PLCB2: variants seen among roughly 807,000 people sequenced by gnomAD.
The protein encoded by PLCB2 is phospholipase C beta 2.
Under a neutral mutation model 141.7 loss-of-function variants are expected in PLCB2, and 115 were observed. The observed-to-expected ratio is 0.81, with a 90% CI of 0.70 to 0.95. The LOEUF is 0.95. Among genes scored for constraint, PLCB2 ranks in the 40% least tolerant of loss-of-function variants. The pLI, the probability that PLCB2 is intolerant of heterozygous loss-of-function variation, is 0.00. For synonymous variants in PLCB2, 603 were observed against 595.6 expected (o/e 1.01, Z -0.18); for missense variants, 1,403 against 1,541.1 (o/e 0.91, Z 1.50).
At chr15:40,307,188 C>T (rs2141207185) in intron 1 of PLCB2, among the ~76,000 whole-genome samples, 1 of 152,284 alleles carries the variant, frequency 6.6e-6, no homozygotes, top group South Asian at 2.1e-4. Context: ...GGAGCTGGGT[C>T]TGAGCGCCCT....
At chr15:40,295,109 C>T (rs373382651) in intron 17 of PLCB2, 49 bp from the exon 18 acceptor site, 1 of 1,610,326 alleles carries the variant, frequency 6.2e-7, no homozygotes, top group Non-Finnish European at 8.5e-7. Context: ...ACCAGGAGAA[C>T]CTAACAGCTT....
At chr15:40,289,964 AGAGAGTGT>A (rs1401426852) in intron 30 of PLCB2, 53 bp downstream of exon 30, 11 of 593,646 alleles carry the variant, frequency 1.9e-5, no homozygotes, top group Non-Finnish European at 3.3e-5. Context: ...AGAGAGAGAG[AGAGAGTGT>A]GTGTGTGTGT....
At chr15:40,293,076 C>G (rs762675367) in intron 20 of PLCB2, 51 bp from the exon 21 acceptor site, 10 of 1,145,824 alleles carry the variant, frequency 8.7e-6, no homozygotes, top group South Asian at 4.3e-5. Flanking sequence ...AGGAGCCAAG[C>G]TGACCCCCTC....
intron 1 of PLCB2, among the ~76,000 whole-genome samples, chr15:40,305,441 C>A (rs1339785590): frequency 6.6e-6 from 1 of 152,082 alleles, no homozygotes; most frequent in Non-Finnish European, 1.5e-5. Context: ...TGGACTACAG[C>A]GAGCTAACTG....
At position 40,306,433 on chromosome 15, in the gene PLCB2, C is replaced by T. The variant is rs554592945; in HGVS notation, c.84+1156G>A. On this transcript the variant is annotated intron_variant, in intron 1 of 31. Transcript: ENST00000260402. The stretch of plus-strand genomic sequence containing the variant: ...CGACCTCCACTGCCACCCTGTGACC[C>T]TCTGCCCAGTCAGGTTACACACACT... Among the ~76,000 whole-genome samples the T allele has an allele frequency of 4.6e-5, 7 of 152,316 alleles. No homozygotes were observed. In the East Asian group the frequency reaches 1.3e-3, roughly 29 times the overall value.
In PLCB2 at chr15:40,297,053, A is replaced by G. The variant is rs2040261416; in HGVS notation, c.1324-145T>C. Reference sequence around the variant, plus strand: ...GCTTATCATCCCCATTCTCACTGAGATAAATCCAGCTTATCCCTTGGAGTA... The same window carrying G: ...GCTTATCATCCCCATTCTCACTGAGGTAAATCCAGCTTATCCCTTGGAGTA... On this transcript the variant is annotated intron_variant, in intron 13 of 31. Coordinates refer to ENST00000260402, the MANE Select transcript of PLCB2 (RefSeq NM_004573.3). This position sits in a 1 kb window ranked among gnomAD's most constrained non-coding sequence, Gnocchi z 4.2. The G allele has an allele frequency of 2.5e-6, 2 of 800,156 alleles. No individual in the cohort carries two copies. Among genetic ancestry groups the G allele is most frequent in the South Asian group, 1.6e-5 (1 of 60,804 alleles). 49.6% of individuals were successfully genotyped at this position (800,156 alleles called of 1,614,324 possible). A position where few individuals can be genotyped will look rare whatever the true frequency, so the allele number is the denominator to read the frequency against.
Position 40,298,948 on chromosome 15 carries a change from G to A in PLCB2, c.700C>T (p.Pro234Ser), listed in dbSNP as rs1368501636. The change falls in exon 9 of 32, where the codon CCC (proline) becomes TCC (serine). Residue 234 changes from proline to serine, a missense_variant. By Grantham distance (74) the Pro-to-Ser change is moderately conservative. Around this residue, in one of 4 missense-constraint regions of PLCB2, gnomAD observed 975 missense variants for 1,141.1 expected, o/e 0.85. Transcript: ENST00000260402. ...GTCAGGTGCTCCTTCGTCATGTAGG[G>A]TTTGGCCTTAGCATGGCTTCAAGCC... ...IFTSYHAKAK[P>S]YMTKEHLTKF... The A allele has an allele frequency of 1.9e-6, 3 of 1,606,600 alleles. No individual in the cohort carries two copies. The highest frequency in any genetic ancestry group is 2.5e-6 in the Non-Finnish European group (3 of 1,179,496).
chr15:40,299,164 C>T lies in PLCB2; in HGVS notation c.647G>A (p.Cys216Tyr), dbSNP rs1164438188. 1.2e-6 allele frequency: 2 copies of T among 1,613,708 alleles called. No homozygotes were observed. The highest frequency in any genetic ancestry group is 3.3e-5 in the Admixed American group (2 of 60,016). Residue 216 changes from cysteine (C) to tyrosine (Y), a missense_variant, in exon 8 of 32, where the codon TGT (cysteine) becomes TAT (tyrosine). Physicochemically the swap from Cys to Tyr is radical, Grantham distance 194 (BLOSUM62 -2). Transcript: ENST00000260402. ...GATCTCATCTATTTCTGGCCGAGGACAGAGGCTCATGAGGAAACTCTTGTA... is the reference window on the plus strand; with the variant it reads ...GATCTCATCTATTTCTGGCCGAGGATAGAGGCTCATGAGGAAACTCTTGTA... ...PVYKSFLMSL[C>Y]PRPEIDEIFT...
intron 1 of PLCB2, among the ~76,000 whole-genome samples, chr15:40,304,606 A>G (rs2040701195): frequency 6.6e-6 from 1 of 152,018 alleles, no homozygotes; most frequent in African/African-American, 2.4e-5. Context: ...AAGCCCCCCA[A>G]CTTCTGAAAA....
chr15:40,295,225 G>T lies in PLCB2; in HGVS notation c.1757C>A (p.Ser586Tyr). The change falls in exon 17 of 32, where the codon TCC (serine) becomes TAC (tyrosine). Residue 586 changes from serine to tyrosine, a missense_variant. By Grantham distance (144) the Ser-to-Tyr change is moderately radical (BLOSUM62 -2). Around this residue, in one of 4 missense-constraint regions of PLCB2, gnomAD observed 975 missense variants for 1,141.1 expected, o/e 0.85. Coordinates refer to ENST00000260402, the MANE Select transcript of PLCB2 (RefSeq NM_004573.3). ...CTCCACAAACTGCACCGAGGCCTTGGAGAGCAGGTCATATGCCTTGAGCTC... is the reference window on the plus strand; with the variant it reads ...CTCCACAAACTGCACCGAGGCCTTGTAGAGCAGGTCATATGCCTTGAGCTC... ...FTELKAYDLL[S>Y]KASVQFVDYN... 3 of 1,613,960 alleles carry T rather than the reference G, an allele frequency of 1.9e-6. No individual in the cohort carries two copies. The highest frequency in any genetic ancestry group is 2.5e-6 in the Non-Finnish European group (3 of 1,179,812).
rs777549665 is a variant in PLCB2, at chr15:40,291,340, G to A, written c.2795C>T (p.Ala932Val). 6.6e-7 allele frequency: 1 copy of A among 1,526,090 alleles called. No individual in the cohort carries two copies. The highest frequency in any genetic ancestry group is 2.5e-5 in the East Asian group (1 of 39,842). The allele number at this position is 1,526,090 out of a possible 1,614,324, so 94.5% of individuals were successfully genotyped here. A position where few individuals can be genotyped will look rare whatever the true frequency, so the allele number is the denominator to read the frequency against. ...ELLQRGAAQLAELGPPGVGGV... is the reference protein window; with the variant it reads ...ELLQRGAAQLVELGPPGVGGV... ...CCCCACGCCCGGTGGCCCGAGCTCC[G>A]CCAGCTGCGCCGCGCCCCGCTGCAG... Residue 932 changes from alanine to valine, a missense_variant, in exon 26 of 32, where the codon GCG becomes GTG. Transcript: ENST00000260402.
At position 40,299,408 on chromosome 15, in the gene PLCB2, C is replaced by T. The variant is rs991842361; in HGVS notation, c.583-180G>A. 8.9e-6 allele frequency: 5 copies of T among 560,618 alleles called. No individual in the cohort carries two copies. In the Admixed American group the frequency reaches 1.2e-4, roughly 14 times the overall value. The allele number at this position is 560,618 out of a possible 1,614,324, so 34.7% of individuals were successfully genotyped here. A position where few individuals can be genotyped will look rare whatever the true frequency, so the allele number is the denominator to read the frequency against. On this transcript the variant is annotated intron_variant, in intron 7 of 31. Transcript: ENST00000260402. The stretch of plus-strand genomic sequence containing the variant: ...CCCTGGTTGCTGAGCAGAGAGCATG[C>T]TTAGCTGGTTTGCTCTGACCCTGAT...
chr15:40,291,685 TG>T (rs763772699), intron 24 of PLCB2, 35 bp from the exon 25 acceptor site: 2 of 1,610,518 alleles, frequency 1.2e-6, no homozygotes, highest in Non-Finnish European at 8.5e-7. Context: ...TCAGGTGCTC[TG>T]GGGGGCCCCT....
At chr15:40,291,764 C>G in intron 24 of PLCB2, 85 bp downstream of exon 24, 1 of 1,606,484 alleles carries the variant, frequency 6.2e-7, no homozygotes, top group Non-Finnish European at 8.5e-7. Context: ...CCCGCACTTT[C>G]CCTAGGTGAA....
chr15:40,295,052 T>A lies in PLCB2; in HGVS notation c.1790A>T (p.Lys597Met), dbSNP rs777451541. 5 of 1,612,564 alleles carry A rather than the reference T, an allele frequency of 3.1e-6. No individual in the cohort carries two copies. In the African/African-American group the frequency reaches 6.7e-5, roughly 22 times the overall value. ...KASVQFVDYN[K>M]RQMSRIYPKG... ...GGGGTAAATGCGGCTCATCTGGCGC[T>A]TGTTGTAGCTGTCCCTGAGTTTAGG... The change falls in exon 18 of 32, where the codon AAG becomes ATG. Residue 597 changes from lysine to methionine, a missense_variant. By Grantham distance (95) the Lys-to-Met change is moderately conservative. This residue lies in a region of PLCB2 where 975 missense variants were observed against 1,141.1 expected (regional missense o/e 0.85). Coordinates refer to ENST00000260402, the MANE Select transcript of PLCB2 (RefSeq NM_004573.3).
intron 1 of PLCB2, among the ~76,000 whole-genome samples, 189 bp from the exon 2 acceptor site, chr15:40,304,267 A>T (rs1361561498): frequency 6.6e-6 from 1 of 152,168 alleles, no homozygotes; most frequent in Non-Finnish European, 1.5e-5. Context: ...TTTCTGGAAG[A>T]GAAGGGTTTT....
Position 40,297,468 on chromosome 15 carries a change from G to T in PLCB2, c.1323+53C>A. The T allele has an allele frequency of 7.2e-7, 1 of 1,380,962 alleles. No individual in the cohort carries two copies. The highest frequency in any genetic ancestry group is 1.0e-6 in the Non-Finnish European group (1 of 966,982). 85.5% of individuals were successfully genotyped at this position (1,380,962 alleles called of 1,614,324 possible). A position where few individuals can be genotyped will look rare whatever the true frequency, so the allele number is the denominator to read the frequency against. ...CCCTCCCTAACCTGGTTCTCACCCT[G>T]CCCCAGGTTCCCAGGCCCAAGGCTC... On this transcript the variant is annotated intron_variant, in intron 13 of 31. Transcript: ENST00000260402. The surrounding 1 kb of genome is among the most constrained non-coding windows in gnomAD (Gnocchi z 4.2).
At chr15:40,290,228 T>C (rs2039814623) in intron 29 of PLCB2, 146 bp from the exon 30 acceptor site, 4 of 669,458 alleles carry the variant, frequency 6.0e-6, no homozygotes, top group Non-Finnish European at 1.1e-5. Flanking sequence ...CCAAGGAGTA[T>C]GTAGGGGCCA....
At position 40,298,930 on chromosome 15, in the gene PLCB2, G is replaced by C. The variant is rs771670105; in HGVS notation, c.718C>G (p.His240Asp). ...TTCTGGTTGATGAATTTGGTCAGGT[G>C]CTCCTTCGTCATGTAGGGTTTGGCC... ...AKAKPYMTKE[H>D]LTKFINQKQR... is the part of the protein sequence containing the mutation. Residue 240 changes from histidine (H) to aspartate (D), a missense_variant, in exon 9 of 32, where the codon CAC becomes GAC. His to Asp is a moderately conservative substitution (Grantham distance 81, BLOSUM62 -1). Transcript: ENST00000260402. 2.5e-6 allele frequency: 4 copies of C among 1,608,130 alleles called. No individual in the cohort carries two copies. The highest frequency in any genetic ancestry group is 3.4e-6 in the Non-Finnish European group (4 of 1,179,880).
Sources: gnomAD v4.1 joint callset for allele counts (sites outside exome capture counted in the v4.1 genomes callset) on GRCh38, gnomAD v4.1.1 for gene constraint, gnomAD v4.1.1 regional missense constraint, Gnocchi (gnomAD v3.1) non-coding constraint, MANE v1.5 for transcripts, NCBI Gene and HGNC (gene_info 2026-07-23, HGNC 2026-07-21) for gene names.